GABRA1: variants seen among roughly 807,000 people sequenced by gnomAD.
GABRA1 encodes the protein gamma-aminobutyric acid receptor subunit alpha-1.
In GABRA1, 9 loss-of-function variants were observed where a neutral mutation model predicts 48.9. That is an observed-to-expected ratio of 0.18 (90% CI 0.11 to 0.32). GABRA1 has a LOEUF of 0.32. GABRA1 is among the 10% of genes least tolerant of loss of function. The probability of loss-of-function intolerance (pLI) is 1.00; values close to 1 mark genes in which losing one functional copy is unlikely to be tolerated. For synonymous variants in GABRA1, 210 were observed against 198.7 expected (o/e 1.06, Z -0.48); for missense variants, 285 against 553.8 (o/e 0.51, Z 4.87).
At chr5:161,885,096 C>T (rs1375036435) in intron 7 of GABRA1, among the ~76,000 whole-genome samples, 1 of 152,160 alleles carries the variant, frequency 6.6e-6, no homozygotes, top group South Asian at 2.1e-4. Flanking sequence ...AAAATAAAAG[C>T]TTTTTCCTGT....
chr5:161,850,831 G>T lies in GABRA1; in HGVS notation c.21G>T (p.Leu7=). Residue 7 remains leucine (L), a synonymous_variant, in exon 2 of 10, where the codon CTG becomes CTT. Coordinates refer to ENST00000393943, the MANE Select transcript of GABRA1 (RefSeq NM_001127644.2). ...CCGCGATGAGGAAAAGTCCAGGTCTGTCTGACTGTCTTTGGGCCTGGATCC... is the reference window on the plus strand; with the variant it reads ...CCGCGATGAGGAAAAGTCCAGGTCTTTCTGACTGTCTTTGGGCCTGGATCC... MRKSPG[L]SDCLWAWILL... is the part of the protein sequence containing the mutation. The T allele has an allele frequency of 6.2e-7, 1 of 1,614,112 alleles. No homozygotes were observed. The highest frequency in any genetic ancestry group is 1.1e-5 in the South Asian group (1 of 91,082).
chr5:161,852,961 T>C (rs904385054), intron 2 of GABRA1, among the ~76,000 whole-genome samples: 2 of 151,942 alleles, frequency 1.3e-5, no homozygotes, highest in African/African-American at 4.8e-5. Flanking sequence ...CTTATATTTA[T>C]CAGTAACATC....
At chr5:161,848,886 T>C (rs1757326851) in intron 1 of GABRA1, 2 of 442,218 alleles carry the variant, frequency 4.5e-6, no homozygotes, top group Non-Finnish European at 9.1e-6. Flanking sequence ...TGTTCCATCA[T>C]CCTAGGGAAG....
intron 6 of GABRA1, among the ~76,000 whole-genome samples, chr5:161,877,755 A>G (rs1444818454): frequency 6.6e-6 from 1 of 152,194 alleles, no homozygotes; most frequent in Non-Finnish European, 1.5e-5. Flanking sequence ...AGTAGAAAAC[A>G]GTGTCTCATA....
chr5:161,849,858 A>C (rs1034744314), intron 1 of GABRA1, among the ~76,000 whole-genome samples: 2 of 152,154 alleles, frequency 1.3e-5, no homozygotes, highest in African/African-American at 4.8e-5. Flanking sequence ...TAATTCTCTA[A>C]GCTTTCTGTA....
At chr5:161,896,013 A>G in intron 9 of GABRA1, 145 bp downstream of exon 9, 1 of 741,850 alleles carries the variant, frequency 1.3e-6, no homozygotes, top group South Asian at 1.6e-5. Flanking sequence ...ATTAAGTGCC[A>G]TGATAATTTT....
At chr5:161,891,696 A>G (rs1755097664) in intron 8 of GABRA1, among the ~76,000 whole-genome samples, 1 of 152,182 alleles carries the variant, frequency 6.6e-6, no homozygotes, top group South Asian at 2.1e-4. Context: ...GGTGCATTTG[A>G]TATAAAAAGG....
rs2113380280 is a variant in GABRA1, at chr5:161,872,992, C to T, written c.256-125C>T. The T allele has an allele frequency of 3.9e-6, 3 of 769,664 alleles. No homozygotes were observed. In the East Asian group the frequency reaches 7.3e-5, roughly 19 times the overall value. 47.7% of individuals were successfully genotyped at this position (769,664 alleles called of 1,614,324 possible). A position where few individuals can be genotyped will look rare whatever the true frequency, so the allele number is the denominator to read the frequency against. The stretch of plus-strand genomic sequence containing the variant: ...TGTACATGCTATCACACGTTTACTT[C>T]TAAAAACATCACCTAGCTAACATTA... On this transcript the variant is annotated intron_variant, in intron 4 of 9. Coordinates refer to ENST00000393943, the MANE Select transcript of GABRA1 (RefSeq NM_001127644.2).
intron 7 of GABRA1, among the ~76,000 whole-genome samples, chr5:161,886,724 TC>T (rs1754864444): frequency 6.6e-6 from 1 of 150,522 alleles, no homozygotes; most frequent in Non-Finnish European, 1.5e-5. Flanking sequence ...CTTCACTGAG[TC>T]GAGACTACAC....
chr5:161,874,061 A>G (rs1754239335), intron 5 of GABRA1, among the ~76,000 whole-genome samples: 1 of 152,166 alleles, frequency 6.6e-6, no homozygotes, highest in African/African-American at 2.4e-5. Flanking sequence ...TCTTGAGAGC[A>G]GCAGTAATTT....
At chr5:161,851,454 AC>A (rs369033268) in intron 2 of GABRA1, among the ~76,000 whole-genome samples, 8 of 152,316 alleles carry the variant, frequency 5.3e-5, no homozygotes, top group African/African-American at 1.7e-4. Context: ...TATTAAAAAA[AC>A]AATTACTAAT....
chr5:161,881,529 T>A (rs1754613329), intron 6 of GABRA1, among the ~76,000 whole-genome samples: 2 of 152,156 alleles, frequency 1.3e-5, no homozygotes, highest in Admixed American at 1.3e-4. Flanking sequence ...CTCATCATCA[T>A]GGAAAATATC....
chr5:161,889,813 C>T (rs1012689601), intron 7 of GABRA1, among the ~76,000 whole-genome samples: 3 of 151,882 alleles, frequency 2.0e-5, no homozygotes, highest in Admixed American at 1.3e-4. Flanking sequence ...GGACAGCCAC[C>T]TTCAATAAAT....
chr5:161,867,263 G>T (rs1170662297), intron 4 of GABRA1, among the ~76,000 whole-genome samples: 3 of 152,058 alleles, frequency 2.0e-5, no homozygotes, highest in Non-Finnish European at 2.9e-5. Flanking sequence ...TTCTCTCATG[G>T]TACTTTTATA....
intron 4 of GABRA1, among the ~76,000 whole-genome samples, chr5:161,872,723 A>G (rs1315944078): frequency 1.3e-5 from 2 of 152,122 alleles, no homozygotes; most frequent in Admixed American, 1.3e-4. Context: ...TATGGCTGGA[A>G]TTGTCTAATT....
intron 2 of GABRA1, among the ~76,000 whole-genome samples, 192 bp downstream of exon 2, chr5:161,851,076 A>T (rs943044393): frequency 6.6e-6 from 1 of 152,214 alleles, no homozygotes; most frequent in Non-Finnish European, 1.5e-5. Flanking sequence ...TAGTTAGAAT[A>T]CAATTAACAA....
chr5:161,851,618 T>C (rs984633268), intron 2 of GABRA1, among the ~76,000 whole-genome samples: 10 of 152,078 alleles, frequency 6.6e-5, no homozygotes, highest in African/African-American at 2.4e-4. Context: ...CTGTGACCCA[T>C]AAGAAGGTCA....
At chr5:161,848,686 C>T (rs1757315570) in intron 1 of GABRA1, 1 of 245,638 alleles carries the variant, frequency 4.1e-6, no homozygotes, top group Non-Finnish European at 8.1e-6. Flanking sequence ...ATTTTTTTCC[C>T]GCTGTCTTTC....
intron 5 of GABRA1, among the ~76,000 whole-genome samples, chr5:161,873,737 A>G (rs2113383122): frequency 6.6e-6 from 1 of 152,302 alleles, no homozygotes; most frequent in African/African-American, 2.4e-5. Context: ...AAGTTACAAA[A>G]TTCATAAAAC....
Sources: allele counts gnomAD v4.1 joint callset (sites outside exome capture counted in the v4.1 genomes callset), GRCh38; gene constraint gnomAD v4.1.1; transcripts MANE v1.5; gene names NCBI Gene and HGNC (gene_info 2026-07-23, HGNC 2026-07-21).